The following MPEG1 variants were observed in gnomAD, a reference collection of about 807,000 sequenced individuals.
MPEG1 encodes macrophage-expressed gene 1 protein.
For synonymous variants in MPEG1, 365 were observed against 351.9 expected (o/e 1.04, Z -0.42); for missense variants, 876 against 880.3 (o/e 1.00, Z 0.06).
In MPEG1 at chr11:59,211,617, A is replaced by T; in HGVS notation, c.1249T>A (p.Ser417Thr). ...ATCTGGGATAACAGGTGCACCGGGGAGTAGCCAGAGGGGCAGGAGAAATCA... is the reference window on the plus strand; with the variant it reads ...ATCTGGGATAACAGGTGCACCGGGGTGTAGCCAGAGGGGCAGGAGAAATCA... ...TGDFSCPSGY[S>T]PVHLLSQIHE... is the part of the protein sequence containing the mutation. The change falls in exon 1 of 1, where the codon TCC (serine) becomes ACC (threonine). Residue 417 changes from serine (S) to threonine (T), a missense_variant. Transcript: ENST00000361050. The T allele has an allele frequency of 6.2e-7, 1 of 1,614,162 alleles. No homozygotes were observed. The highest frequency in any genetic ancestry group is 8.5e-7 in the Non-Finnish European group (1 of 1,180,022).
rs1343475341 is a variant in MPEG1 at position 59,209,978 on chromosome 11, T to G, written c.*737A>C. ...TTAGCACCAGAATCTTTTCCAGTTT[T>G]TACCCATCTTTCATTACTCCTTGTC... is the stretch of plus-strand genomic sequence containing the variant. On this transcript the variant is annotated 3_prime_UTR_variant, in exon 1 of 1. Coordinates refer to ENST00000361050, the MANE Select transcript of MPEG1 (RefSeq NM_001039396.2). 6.6e-6 allele frequency: 1 copy of G among 152,162 alleles called. No individual in the cohort carries two copies. Among genetic ancestry groups the G allele is most frequent in the African/African-American group, 2.4e-5 (1 of 41,420 alleles). 9.4% of individuals were successfully genotyped at this position (152,162 alleles called of 1,614,324 possible). A position where few individuals can be genotyped will look rare whatever the true frequency, so the allele number is the denominator to read the frequency against.
rs940569333 is a variant in MPEG1, at chr11:59,210,188, A to T, written c.*527T>A. The T allele has an allele frequency of 1.3e-5, 2 of 154,128 alleles. No homozygotes were observed. Among genetic ancestry groups the T allele is most frequent in the African/African-American group, 4.8e-5 (2 of 41,436 alleles). 9.5% of individuals were successfully genotyped at this position (154,128 alleles called of 1,614,324 possible). A position where few individuals can be genotyped will look rare whatever the true frequency, so the allele number is the denominator to read the frequency against. On this transcript the variant is annotated 3_prime_UTR_variant, in exon 1 of 1. Transcript: ENST00000361050. ...AGATGTTTGAGGTCACCCAGAGGAG[A>T]TAACAGTCTGTCAACATAGAGCCCT...
rs541679679 is a variant in MPEG1, at chr11:59,212,306, G to T, written c.560C>A (p.Thr187Lys). The stretch of plus-strand genomic sequence containing the variant: ...TTCTGCCAGGTAGGTGGCCATCCTC[G>T]TCTGGTTGTTCTCTAGACGGTCAGA... ...DISDRLENNQ[T>K]RMATYLAELL... The change falls in exon 1 of 1, where the codon ACG becomes AAG. Residue 187 changes from threonine to lysine, a missense_variant. Thr to Lys is a moderately conservative substitution (Grantham distance 78). Transcript: ENST00000361050. 6.2e-7 allele frequency: 1 copy of T among 1,613,910 alleles called. No individual in the cohort carries two copies. The highest frequency in any genetic ancestry group is 8.5e-7 in the Non-Finnish European group (1 of 1,180,024).
rs1862873877 is a variant in MPEG1, at chr11:59,210,464, A to G, written c.*251T>C. 3.9e-6 allele frequency: 2 copies of G among 508,002 alleles called. No individual in the cohort carries two copies. Among genetic ancestry groups the G allele is most frequent in the African/African-American group, 3.8e-5 (2 of 52,396 alleles). The allele number at this position is 508,002 out of a possible 1,614,324, so 31.5% of individuals were successfully genotyped here. A position where few individuals can be genotyped will look rare whatever the true frequency, so the allele number is the denominator to read the frequency against. On this transcript the variant is annotated 3_prime_UTR_variant, in exon 1 of 1. Coordinates refer to ENST00000361050, the MANE Select transcript of MPEG1 (RefSeq NM_001039396.2). ...CAAATGCATTCAGGTGAAGACAGCA[A>G]CACACATTGGGAAAGGACATCTGCT...
In MPEG1 at chr11:59,211,151, C is replaced by T. The variant is rs772971270; in HGVS notation, c.1715G>A (p.Cys572Tyr). 38 of 1,614,128 alleles carry T rather than the reference C, an allele frequency of 2.4e-5. No homozygotes were observed. The highest frequency in any genetic ancestry group is 3.1e-5 in the Non-Finnish European group (37 of 1,180,058). ...SQHPALISDGCQVSYCVKSGL... is the reference protein window; with the variant it reads ...SQHPALISDGYQVSYCVKSGL... ...GGATTTGACGCAATAGGACACTTGGCATCCATCGCTGATGAGGGCTGGGTG... is the reference window on the plus strand; with the variant it reads ...GGATTTGACGCAATAGGACACTTGGTATCCATCGCTGATGAGGGCTGGGTG... Residue 572 changes from cysteine (C) to tyrosine (Y), a missense_variant, in exon 1 of 1, where the codon TGC becomes TAC. Coordinates refer to ENST00000361050, the MANE Select transcript of MPEG1 (RefSeq NM_001039396.2).
In MPEG1 at chr11:59,211,406, C is replaced by T; in HGVS notation, c.1460G>A (p.Ser487Asn). ...CTGTGCATTTGTCATGGGGTTTATG[C>T]TCTTGCTGCTGAAGAGGCCCCCAAA... ...LLFGGLFSSK[S>N]INPMTNAQSC... Residue 487 changes from serine (S) to asparagine (N), a missense_variant, in exon 1 of 1, where the codon AGC becomes AAC. By Grantham distance (46) the Ser-to-Asn change is conservative. Coordinates refer to ENST00000361050, the MANE Select transcript of MPEG1 (RefSeq NM_001039396.2). 3.1e-6 allele frequency: 5 copies of T among 1,614,192 alleles called. No homozygotes were observed. The highest frequency in any genetic ancestry group is 4.2e-6 in the Non-Finnish European group (5 of 1,180,046).
Position 59,212,828 on chromosome 11 carries a change from G to A in MPEG1, c.38C>T (p.Ala13Val), listed in dbSNP as rs75908034. 2,472 of 1,614,096 alleles carry A rather than the reference G, an allele frequency of 1.5e-3. 34 individuals are homozygous for A. The African/African-American group carries it at 0.027, about 18-fold the overall frequency. ...CTTGCCTGATTTAGCCCATGCTGCC[G>A]CTGCCCAGAAGAGGATGGTGGCCCT... ...NFRATILFWA[A>V]AAWAKSGKPS... Residue 13 changes from alanine (A) to valine (V), a missense_variant, in exon 1 of 1, where the codon GCG becomes GTG. Physicochemically the swap from Ala to Val is moderately conservative, Grantham distance 64. Coordinates refer to ENST00000361050, the MANE Select transcript of MPEG1 (RefSeq NM_001039396.2).
chr11:59,211,420 G>T lies in MPEG1; in HGVS notation c.1446C>A (p.Leu482=), dbSNP rs748587658. 1 of 1,614,144 alleles carries T rather than the reference G, an allele frequency of 6.2e-7. No homozygotes were observed. Among genetic ancestry groups the T allele is most frequent in the East Asian group, 2.2e-5 (1 of 44,888 alleles). ...PENSGLLFGG[L]FSSKSINPMT... ...TGGGGTTTATGCTCTTGCTGCTGAA[G>T]AGGCCCCCAAAAAGCAGTCCTGAGT... Residue 482 remains leucine (L), a synonymous_variant, in exon 1 of 1, where the codon CTC becomes CTA. Transcript: ENST00000361050.
rs200428005 is a variant in MPEG1, at chr11:59,211,135, G to A, written c.1731C>T (p.Cys577=). 2,087 of 1,614,178 alleles carry A rather than the reference G, an allele frequency of 1.3e-3. 1 individual carries two copies. The highest frequency in any genetic ancestry group is 3.6e-3 in the African/African-American group (272 of 75,042). ...LISDGCQVSY[C]VKSGLFTGGS... ...CTCCTGTGAAGAGCCCGGATTTGAC[G>A]CAATAGGACACTTGGCATCCATCGC... The change falls in exon 1 of 1, where the codon TGC becomes TGT. Residue 577 remains cysteine, a synonymous_variant. Transcript: ENST00000361050.
chr11:59,211,495 T>C lies in MPEG1; in HGVS notation c.1371A>G (p.Lys457=). ...TVCEDVFQVA[K]AEFRAFWCVA... is the part of the protein sequence containing the mutation. ...CACACCAAAAAGCCCTAAATTCAGC[T>C]TTTGCCACCTGGAACACATCTTCAC... The change falls in exon 1 of 1, where the codon AAA becomes AAG. Residue 457 remains lysine, a synonymous_variant. Coordinates refer to ENST00000361050, the MANE Select transcript of MPEG1 (RefSeq NM_001039396.2). 6.2e-7 allele frequency: 1 copy of C among 1,614,112 alleles called. No individual in the cohort carries two copies.
At position 59,210,756 on chromosome 11, in the gene MPEG1, C is replaced by CA; in HGVS notation, c.2109dup (p.Gly704TrpfsTer79). Reference sequence around the variant, plus strand: ...CCCTGCTCTTGGTAAGTGGTGTCTCCAGTTGCTGCAGTGCCTGGAACCAAA... The same window carrying CA: ...CCCTGCTCTTGGTAAGTGGTGTCTCCAAGTTGCTGCAGTGCCTGGAACCAAA... On this transcript the variant is annotated frameshift_variant, in exon 1 of 1. Coordinates refer to ENST00000361050, the MANE Select transcript of MPEG1 (RefSeq NM_001039396.2). LOFTEE classifies it low-confidence loss of function (END_TRUNC). The CA allele has an allele frequency of 6.2e-7, 1 of 1,614,146 alleles. No individual in the cohort carries two copies. The highest frequency in any genetic ancestry group is 8.5e-7 in the Non-Finnish European group (1 of 1,180,010).
rs1406933054 is a variant in MPEG1 at position 59,208,530 on chromosome 11, T to C, written c.*2185A>G. On this transcript the variant is annotated 3_prime_UTR_variant, in exon 1 of 1. Coordinates refer to ENST00000361050, the MANE Select transcript of MPEG1 (RefSeq NM_001039396.2). ...GGCTGTTGTTTCTCAAATAAATGTT[T>C]AATATTAATCATTCCCAAACTGACA... 1 of 152,230 alleles carries C rather than the reference T, an allele frequency of 6.6e-6. No individual in the cohort carries two copies. The highest frequency in any genetic ancestry group is 1.5e-5 in the Non-Finnish European group (1 of 68,040). The allele number at this position is 152,230 out of a possible 1,614,324, so 9.4% of individuals were successfully genotyped here. A position where few individuals can be genotyped will look rare whatever the true frequency, so the allele number is the denominator to read the frequency against.
rs1456674707 is a variant in MPEG1 at position 59,212,001 on chromosome 11, G to A, written c.865C>T (p.Leu289Phe). Residue 289 changes from leucine (L) to phenylalanine (F), a missense_variant, in exon 1 of 1, where the codon CTC (leucine) becomes TTC (phenylalanine). Physicochemically the swap from Leu to Phe is conservative, Grantham distance 22. Coordinates refer to ENST00000361050, the MANE Select transcript of MPEG1 (RefSeq NM_001039396.2). ...GGVPFYPGIT[L>F]QAWQQGITNH... ...GTGATACCCTGCTGCCAGGCCTGGA[G>A]GGTGATGCCTGGGTAAAAAGGAACC... is the stretch of plus-strand genomic sequence containing the variant. 3.7e-6 allele frequency: 6 copies of A among 1,610,760 alleles called. No homozygotes were observed. The highest frequency in any genetic ancestry group is 5.1e-6 in the Non-Finnish European group (6 of 1,178,130).
At position 59,211,894 on chromosome 11, in the gene MPEG1, G is replaced by A. The variant is rs753083825; in HGVS notation, c.972C>T (p.Gly324=). ...INPNMLPDLP[G]PLVKKVSKTV... ...TCTTTGACACCTTCTTCACCAGGGG[G>A]CCTGGCAAGTCAGGTAGCATGTTGG... Residue 324 remains glycine, a synonymous_variant, in exon 1 of 1, where the codon GGC becomes GGT. Coordinates refer to ENST00000361050, the MANE Select transcript of MPEG1 (RefSeq NM_001039396.2). The A allele has an allele frequency of 7.1e-5, 115 of 1,613,988 alleles. No individual in the cohort carries two copies. In the South Asian group the frequency reaches 1.0e-3, roughly 14 times the overall value.
rs1182670060 is a variant in MPEG1 at position 59,210,181 on chromosome 11, A to G, written c.*534T>C. On this transcript the variant is annotated 3_prime_UTR_variant, in exon 1 of 1. Coordinates refer to ENST00000361050, the MANE Select transcript of MPEG1 (RefSeq NM_001039396.2). The stretch of plus-strand genomic sequence containing the variant: ...TCTTTTCAGATGTTTGAGGTCACCC[A>G]GAGGAGATAACAGTCTGTCAACATA... 6.5e-6 allele frequency: 1 copy of G among 153,838 alleles called. No individual in the cohort carries two copies. Among genetic ancestry groups the G allele is most frequent in the African/African-American group, 2.4e-5 (1 of 41,474 alleles). The allele number at this position is 153,838 out of a possible 1,614,324, so 9.5% of individuals were successfully genotyped here.
Position 59,211,774 on chromosome 11 carries a change from C to A in MPEG1, c.1092G>T (p.Thr364=), listed in dbSNP as rs192064519. The A allele has an allele frequency of 4.4e-5, 71 of 1,614,154 alleles. No individual in the cohort carries two copies. The Middle Eastern group carries it at 1.2e-3, about 26-fold the overall frequency. Reference sequence around the variant, plus strand: ...TTTTCCCCTCGCAGGAGCCATCATCCGTGTTGGCCTGAAAATTGAAGTTGG... The same window carrying A: ...TTTTCCCCTCGCAGGAGCCATCATCAGTGTTGGCCTGAAAATTGAAGTTGG... ...NSPNFNFQAN[T]DDGSCEGKMT... The change falls in exon 1 of 1, where the codon ACG becomes ACT. Residue 364 remains threonine (T), a synonymous_variant. Transcript: ENST00000361050.
Position 59,211,423 on chromosome 11 carries a change from GC to G in MPEG1, c.1442del (p.Gly481AlafsTer8), listed in dbSNP as rs1565225278. ...GGTTTATGCTCTTGCTGCTGAAGAG[GC>G]CCCCAAAAAGCAGTCCTGAGTTTTC... ...VPENSGLLFG[G>X]LFSSKSINPM... On this transcript the variant is annotated frameshift_variant, in exon 1 of 1. Coordinates refer to ENST00000361050, the MANE Select transcript of MPEG1 (RefSeq NM_001039396.2). LOFTEE classifies it low-confidence loss of function (END_TRUNC). 1 of 1,614,120 alleles carries G rather than the reference GC, an allele frequency of 6.2e-7. No individual in the cohort carries two copies. The highest frequency in any genetic ancestry group is 1.1e-5 in the South Asian group (1 of 91,074).
Position 59,211,072 on chromosome 11 carries a change from C to G in MPEG1, c.1794G>C (p.Arg598=), listed in dbSNP as rs568865859. The stretch of plus-strand genomic sequence containing the variant: ...TGGCAGCCTGACTCATGAGGGGTGG[C>G]CGGGTGAAAGGTGGGAGCCTGGCAG... ...LPPARLPPFT[R]PPLMSQAATN... is the part of the protein sequence containing the mutation. Residue 598 remains arginine, a synonymous_variant, in exon 1 of 1, where the codon CGG becomes CGC. Transcript: ENST00000361050. 2.5e-4 allele frequency: 400 copies of G among 1,614,142 alleles called. 6 individuals carry two copies. The South Asian group carries it at 4.2e-3, about 17-fold the overall frequency.
chr11:59,211,305 C>G lies in MPEG1; in HGVS notation c.1561G>C (p.Gly521Arg), dbSNP rs1862887559. ...CCAAAGGGGACCGCAAACCTGCTTC[C>G]CAACTCATAGTCCTGAGAAACACAT... is the stretch of plus-strand genomic sequence containing the variant. Reference protein sequence around the residue: ...KVCVSQDYELGSRFAVPFGGF... With the variant: ...KVCVSQDYELRSRFAVPFGGF... The change falls in exon 1 of 1, where the codon GGA becomes CGA. Residue 521 changes from glycine to arginine, a missense_variant. Coordinates refer to ENST00000361050, the MANE Select transcript of MPEG1 (RefSeq NM_001039396.2). 5 of 1,613,976 alleles carry G rather than the reference C, an allele frequency of 3.1e-6. No homozygotes were observed. Among genetic ancestry groups the G allele is most frequent in the Non-Finnish European group, 4.2e-6 (5 of 1,180,036 alleles).
Sources: allele counts gnomAD v4.1 joint callset, GRCh38; gene constraint gnomAD v4.1.1; transcripts MANE v1.5; gene names NCBI Gene and HGNC (gene_info 2026-07-23, HGNC 2026-07-21).